CEP57L1: variants seen among roughly 807,000 people sequenced by gnomAD.
CEP57L1 encodes the protein centrosomal protein 57 like 1.
CEP57L1 carries 37 observed loss-of-function variants against 61.0 expected under a neutral mutation model. The observed-to-expected ratio is 0.61, with a 90% CI of 0.47 to 0.80. The LOEUF (loss-of-function observed/expected upper bound fraction) is 0.80. CEP57L1 is among the 30% of genes least tolerant of loss of function. The pLI, the probability that CEP57L1 is intolerant of heterozygous loss-of-function variation, is 0.00. For missense variants in CEP57L1, 422 were observed against 524.7 expected, an observed-to-expected ratio of 0.80 and a Z score of 1.91; for synonymous variants, 137 against 162.3, an observed-to-expected ratio of 0.84 and a Z score of 1.19.
intron 1 of CEP57L1, among the ~76,000 whole-genome samples, chr6:109,112,005 C>T (rs1771695588): frequency 6.6e-6 from 1 of 152,136 alleles, no homozygotes; most frequent in Non-Finnish European, 1.5e-5. Flanking sequence ...TGTGTCTCTG[C>T]CAGGTTTTGG....
At chr6:109,121,949 A>C (rs2081297178) in intron 1 of CEP57L1, among the ~76,000 whole-genome samples, 1 of 152,230 alleles carries the variant, frequency 6.6e-6, no homozygotes, top group South Asian at 2.1e-4. Context: ...CTGAGCATTC[A>C]GAATATAGCT....
Position 109,165,917 on chromosome 6 carries a change from A to G in CEP57L1, c.*2947A>G, listed in dbSNP as rs1774072633. On this transcript the variant is annotated 3_prime_UTR_variant, in exon 11 of 11. Transcript: ENST00000517392. ...TTTCACGGATTTTGTTCACTTAAGT[A>G]AAAAACAGATTTGTTTGGTTTTTAT... 6.6e-6 allele frequency: 1 copy of G among 152,240 alleles called. No individual in the cohort carries two copies. The highest frequency in any genetic ancestry group is 6.5e-5 in the Admixed American group (1 of 15,288). 9.4% of individuals were successfully genotyped at this position (152,240 alleles called of 1,614,324 possible). A position where few individuals can be genotyped will look rare whatever the true frequency, so the allele number is the denominator to read the frequency against.
At chr6:109,146,151 ACT>A (rs1771938076) in intron 2 of CEP57L1, among the ~76,000 whole-genome samples, 2 of 152,008 alleles carry the variant, frequency 1.3e-5, no homozygotes, top group South Asian at 2.1e-4. Flanking sequence ...GACAGTTAAA[ACT>A]CTGAACTTAT....
chr6:109,158,695 A>T (rs752385014), intron 7 of CEP57L1: 8 of 481,724 alleles, frequency 1.7e-5, no homozygotes, highest in South Asian at 1.1e-4. Context: ...TGGCTGTACC[A>T]TTTTGTATTC....
rs1338249350 is a variant in CEP57L1, at chr6:109,116,116, TG to T, written c.-4+20542del. Among the ~76,000 whole-genome samples, 245 of 147,448 alleles carry T rather than the reference TG, an allele frequency of 1.7e-3. 2 individuals carry two copies. The highest frequency in any genetic ancestry group is 5.7e-3 in the African/African-American group (223 of 39,002). ...TTTTATTTTATTTTATTTTATTTTA[TG>T]TTATGTGTTGTGTTATGTTATGTTA... is the stretch of plus-strand genomic sequence containing the variant. On this transcript the variant is annotated intron_variant, in intron 1 of 10. Coordinates refer to ENST00000517392, the MANE Select transcript of CEP57L1 (RefSeq NM_001271852.3).
In CEP57L1 at chr6:109,159,081, A is replaced by G. The variant is rs1448336381; in HGVS notation, c.801A>G (p.Ala267=). ...PPWQICSKFG[A]LPFVAEKMRQ... ...GGCAAATTTGTTCAAAGTTTGGAGC[A>G]CTGCCTTTTGTGGCTGAAAAGGTGA... is the stretch of plus-strand genomic sequence containing the variant. The change falls in exon 8 of 11, where the codon GCA becomes GCG. Residue 267 remains alanine, a synonymous_variant. Coordinates refer to ENST00000517392, the MANE Select transcript of CEP57L1 (RefSeq NM_001271852.3). 3 of 1,613,870 alleles carry G rather than the reference A, an allele frequency of 1.9e-6. No homozygotes were observed. Among genetic ancestry groups the G allele is most frequent in the African/African-American group, 2.7e-5 (2 of 74,920 alleles).
chr6:109,158,565 G>A, intron 7 of CEP57L1: 2 of 450,960 alleles, frequency 4.4e-6, no homozygotes, highest in Non-Finnish European at 8.9e-6. Context: ...TTTGTGTACA[G>A]GTTTTTATGT....
intron 1 of CEP57L1, among the ~76,000 whole-genome samples, chr6:109,131,579 T>C (rs1170267936): frequency 1.3e-5 from 2 of 151,878 alleles, no homozygotes; most frequent in Non-Finnish European, 2.9e-5. Flanking sequence ...CTCTAAAGTA[T>C]GTCTAAAGCT....
intron 3 of CEP57L1, among the ~76,000 whole-genome samples, chr6:109,149,535 T>C (rs1772352475): frequency 6.6e-6 from 1 of 152,118 alleles, no homozygotes; most frequent in African/African-American, 2.4e-5. Context: ...TGTAGTATAG[T>C]TTGAAGTCAG....
chr6:109,119,216 C>A (rs763797945), intron 1 of CEP57L1, among the ~76,000 whole-genome samples: 1 of 152,132 alleles, frequency 6.6e-6, no homozygotes, highest in Non-Finnish European at 1.5e-5. Flanking sequence ...TCTGCAGTCA[C>A]TGAAGAGTTT....
chr6:109,110,960 G>T (rs970634321), intron 1 of CEP57L1, among the ~76,000 whole-genome samples: 1 of 152,208 alleles, frequency 6.6e-6, no homozygotes, highest in African/African-American at 2.4e-5. Context: ...CAGGTAACAT[G>T]ATGCCTCCAG....
rs1303818257 is a variant in CEP57L1, at chr6:109,135,585, G to A, written c.-3-9634G>A. On this transcript the variant is annotated intron_variant, in intron 1 of 10. Transcript: ENST00000517392. The stretch of plus-strand genomic sequence containing the variant: ...AAATGGGATCTAATTAAACTAAAGA[G>A]CTTCTGCCCAGCAAAAGAAACTACC... 5.9e-5 allele frequency among the ~76,000 whole-genome samples: 9 copies of A among 152,190 alleles called. No homozygotes were observed. The South Asian group carries it at 6.2e-4, about 11-fold the overall frequency.
At chr6:109,107,241 G>A (rs962497914) in intron 1 of CEP57L1, among the ~76,000 whole-genome samples, 1 of 150,958 alleles carries the variant, frequency 6.6e-6, no homozygotes, top group Middle Eastern at 3.2e-3. Flanking sequence ...CATGATTCAC[G>A]AATTCTGGCT....
chr6:109,098,258 C>T (rs997974211), intron 1 of CEP57L1, among the ~76,000 whole-genome samples: 4 of 152,084 alleles, frequency 2.6e-5, no homozygotes, highest in African/African-American at 9.7e-5. Flanking sequence ...AGTGATTCTT[C>T]GTCCTCGGCC....
chr6:109,151,189 A>G (rs1043815538), intron 4 of CEP57L1, among the ~76,000 whole-genome samples: 2 of 152,204 alleles, frequency 1.3e-5, no homozygotes, highest in Non-Finnish European at 2.9e-5. Flanking sequence ...AAAAGTACCA[A>G]TCAATACTGG....
intron 1 of CEP57L1, among the ~76,000 whole-genome samples, chr6:109,115,434 C>T (rs1441179377): frequency 6.6e-6 from 1 of 152,018 alleles, no homozygotes; most frequent in Non-Finnish European, 1.5e-5. Flanking sequence ...ACATGTTTCT[C>T]TGTTTGTGGA....
chr6:109,134,712 A>G (rs1405286149), intron 1 of CEP57L1, among the ~76,000 whole-genome samples: 1 of 152,232 alleles, frequency 6.6e-6, no homozygotes, highest in African/African-American at 2.4e-5. Flanking sequence ...AACTTCAGCA[A>G]AGTCTCAGGA....
chr6:109,095,653 C>A, intron 1 of CEP57L1, 78 bp downstream of exon 1: 2 of 920,176 alleles, frequency 2.2e-6, no homozygotes, highest in Non-Finnish European at 2.6e-6. Flanking sequence ...ATTTTGGAGA[C>A]AAAGCCATCT....
rs753295865 is a variant in CEP57L1 at position 109,153,943 on chromosome 6, T to C, written c.573T>C (p.Thr191=). Residue 191 remains threonine (T), a synonymous_variant, in exon 5 of 11, where the codon ACT becomes ACC. Coordinates refer to ENST00000517392, the MANE Select transcript of CEP57L1 (RefSeq NM_001271852.3). ...ECFRLTTTQK[T]AEDKIKHLEE... is the part of the protein sequence containing the mutation. ...TCAGACTTACAACAACTCAGAAAACTGCTGAGGTAAGCTTTCTTTGAAGTG... is the reference window on the plus strand; with the variant it reads ...TCAGACTTACAACAACTCAGAAAACCGCTGAGGTAAGCTTTCTTTGAAGTG... 1.9e-6 allele frequency: 3 copies of C among 1,564,756 alleles called. No homozygotes were observed. The highest frequency in any genetic ancestry group is 2.6e-6 in the Non-Finnish European group (3 of 1,141,322).
Sources: gnomAD v4.1 joint callset for allele counts (sites outside exome capture counted in the v4.1 genomes callset) on GRCh38, gnomAD v4.1.1 for gene constraint, MANE v1.5 for transcripts, NCBI Gene and HGNC (gene_info 2026-07-23, HGNC 2026-07-21) for gene names.